Variants in XRN1 observed in about 807,000 individuals in gnomAD.
The protein encoded by XRN1 is strand-exchange protein 1 homolog.
In XRN1, 67 loss-of-function variants were observed where a neutral mutation model predicts 222.3. The observed-to-expected ratio is 0.30, with a 90% CI of 0.25 to 0.37. XRN1 has a LOEUF of 0.37. XRN1 is among the 10% of genes least tolerant of loss of function. The pLI is 1.00. For missense variants in XRN1, 1,707 were observed against 2,000.2 expected, an observed-to-expected ratio of 0.85 and a Z score of 2.80; for synonymous variants, 643 against 652.4, an observed-to-expected ratio of 0.99 and a Z score of 0.22.
intron 1 of XRN1, among the ~76,000 whole-genome samples, chr3:142,439,979 TC>T (rs2070124387): frequency 6.6e-6 from 1 of 151,902 alleles, no homozygotes; most frequent in Non-Finnish European, 1.5e-5. Context: ...GAGACGAAGG[TC>T]CTCTGAGACG....
chr3:142,444,848 T>A (rs932387951), intron 1 of XRN1, among the ~76,000 whole-genome samples: 16 of 151,504 alleles, frequency 1.1e-4, no homozygotes, highest in African/African-American at 3.4e-4. Context: ...TAAAAAAAAA[T>A]AATCATAATA....
chr3:142,350,622 T>G (rs1423961051), intron 32 of XRN1, among the ~76,000 whole-genome samples: 1 of 152,126 alleles, frequency 6.6e-6, no homozygotes, highest in Non-Finnish European at 1.5e-5. Context: ...AGCAGATTAC[T>G]AGACTACTGT....
intron 15 of XRN1, among the ~76,000 whole-genome samples, chr3:142,406,862 T>A (rs958655866): frequency 2.0e-5 from 3 of 152,162 alleles, no homozygotes; most frequent in Non-Finnish European, 4.4e-5. Context: ...TGTTAAGATA[T>A]AACAAAATCT....
chr3:142,316,656 T>C (rs951925759), intron 39 of XRN1, among the ~76,000 whole-genome samples: 3 of 152,212 alleles, frequency 2.0e-5, no homozygotes, highest in Admixed American at 6.5e-5. Context: ...GCAGCTGGCA[T>C]CCTGGGATTT....
chr3:142,311,791 T>A lies in XRN1; in HGVS notation c.4805A>T (p.Asn1602Ile). The change falls in exon 41 of 41, where the codon AAC becomes ATC. Residue 1602 changes from asparagine to isoleucine, a missense_variant. By Grantham distance (149) the Asn-to-Ile change is moderately radical. Transcript: ENST00000392981. Reference protein sequence around the residue: ...PLQVTKKRVANKKNFENKEAQ... With the variant: ...PLQVTKKRVAIKKNFENKEAQ... ...TTCCTTATTCTCAAAGTTCTTTTTG[T>A]TTGCAACCCTTTTTTTAGTAACCTG... 1.3e-6 allele frequency: 2 copies of A among 1,592,996 alleles called. No homozygotes were observed. The highest frequency in any genetic ancestry group is 1.7e-6 in the Non-Finnish European group (2 of 1,171,224).
At chr3:142,378,002 G>A (rs2067192294) in intron 23 of XRN1, among the ~76,000 whole-genome samples, 1 of 152,060 alleles carries the variant, frequency 6.6e-6, no homozygotes, top group African/African-American at 2.4e-5. Context: ...TTTCCTCATG[G>A]GTGTGCTGAT....
At chr3:142,328,795 G>T (rs13087972) in intron 37 of XRN1, among the ~76,000 whole-genome samples, 43,637 of 116,288 alleles carry the variant, frequency 0.38, 8,654 homozygotes, top group Middle Eastern at 0.47. Flanking sequence ...GTCTTGCTCT[G>T]TTGCCCAGGC....
At chr3:142,334,285 T>C (rs1224137025) in intron 34 of XRN1, among the ~76,000 whole-genome samples, 1 of 152,130 alleles carries the variant, frequency 6.6e-6, no homozygotes, top group Admixed American at 6.5e-5. Context: ...TACTGGTATC[T>C]AAACATTAAT....
At chr3:142,371,091 G>C in intron 26 of XRN1, 148 bp downstream of exon 26, 1 of 672,686 alleles carries the variant, frequency 1.5e-6, no homozygotes, top group Non-Finnish European at 2.5e-6. Context: ...AGCCACATTT[G>C]AGCCACTGCA....
At chr3:142,406,553 G>T (rs2068347707) in intron 15 of XRN1, among the ~76,000 whole-genome samples, 1 of 152,188 alleles carries the variant, frequency 6.6e-6, no homozygotes, top group South Asian at 2.1e-4. Flanking sequence ...TTGAGACAGG[G>T]ATTTGCTCTG....
In XRN1 at chr3:142,363,011, G is replaced by C. The variant is rs147345448; in HGVS notation, c.3394+2036C>G. On this transcript the variant is annotated intron_variant, in intron 29 of 40. Coordinates refer to ENST00000392981, the MANE Select transcript of XRN1 (RefSeq NM_001282857.2). ...GCTGGTCTCAAACTCCCGGGCTCAA[G>C]CAATCCTCCCGCCTTGGCCTCCCAA... Among the ~76,000 whole-genome samples, 575 of 152,144 alleles carry C rather than the reference G, an allele frequency of 3.8e-3. 7 individuals carry two copies. The highest frequency in any genetic ancestry group is 0.013 in the African/African-American group (534 of 41,506).
intron 18 of XRN1, among the ~76,000 whole-genome samples, chr3:142,401,340 T>C (rs906865464): frequency 4.6e-5 from 7 of 152,174 alleles, no homozygotes; most frequent in Non-Finnish European, 7.4e-5. Flanking sequence ...GAAAATCATA[T>C]ACATGAAAGC....
intron 32 of XRN1, 132 bp from the exon 33 acceptor site, chr3:142,347,474 T>C: frequency 7.2e-6 from 4 of 553,158 alleles, no homozygotes; most frequent in East Asian, 6.7e-5. Flanking sequence ...CAGAAAAGTA[T>C]AGAGACTTTT....
chr3:142,443,331 A>C (rs1013956850), intron 1 of XRN1, among the ~76,000 whole-genome samples: 3 of 152,308 alleles, frequency 2.0e-5, no homozygotes, highest in African/African-American at 7.2e-5. Context: ...GTGGGGACTG[A>C]GAGACAGGAC....
intron 19 of XRN1, among the ~76,000 whole-genome samples, chr3:142,399,952 TAAA>T (rs989770401): frequency 1.3e-5 from 2 of 151,662 alleles, no homozygotes; most frequent in African/African-American, 2.4e-5. Flanking sequence ...TATGAAATAA[TAAA>T]AAAACGACAA....
At chr3:142,389,211 T>TCAAAA (rs1477110222) in intron 20 of XRN1, among the ~76,000 whole-genome samples, 1 of 152,172 alleles carries the variant, frequency 6.6e-6, no homozygotes, top group African/African-American at 2.4e-5. Flanking sequence ...AGACTCTGTC[T>TCAAAA]CAAAACAAAA....
intron 18 of XRN1, among the ~76,000 whole-genome samples, chr3:142,402,825 T>C (rs1335789600): frequency 6.6e-6 from 1 of 152,132 alleles, no homozygotes. Context: ...TTAGCCTGGA[T>C]ATCTCAGTCA....
chr3:142,403,757 T>C lies in XRN1; in HGVS notation c.2020A>G (p.Ser674Gly), dbSNP rs35214510. The C allele has an allele frequency of 2.3e-3, 3,723 of 1,612,880 alleles. 80 individuals are homozygous for C. The African/African-American group carries it at 0.042, about 18-fold the overall frequency. The stretch of plus-strand genomic sequence containing the variant: ...CTTTGCTGGAATACTTGAACACCAC[T>C]TTTCTTCAAAAAAAACTTTAAAAGA... ...HIRHKFFLKK[S>G]GVQVFQQSSR... is the part of the protein sequence containing the mutation. Residue 674 changes from serine (S) to glycine (G), a missense_variant, in exon 18 of 41, where the codon AGT becomes GGT. Physicochemically the swap from Ser to Gly is moderately conservative, Grantham distance 56. Coordinates refer to ENST00000392981, the MANE Select transcript of XRN1 (RefSeq NM_001282857.2).
chr3:142,383,958 A>T (rs1215516496), intron 21 of XRN1, among the ~76,000 whole-genome samples: 2 of 152,126 alleles, frequency 1.3e-5, no homozygotes, highest in Non-Finnish European at 2.9e-5. Flanking sequence ...TTTTTCTTTT[A>T]GAGTCTAAGT....
Sources: allele counts gnomAD v4.1 joint callset (sites outside exome capture counted in the v4.1 genomes callset), GRCh38; gene constraint gnomAD v4.1.1; transcripts MANE v1.5; gene names NCBI Gene and HGNC (gene_info 2026-07-23, HGNC 2026-07-21).